The following HHAT variants were observed in gnomAD, a reference collection of about 807,000 sequenced individuals.
HHAT encodes the protein protein-cysteine N-palmitoyltransferase HHAT.
A neutral mutation model predicts 70.8 loss-of-function variants in HHAT; 47 were observed. The observed-to-expected ratio is 0.66, with a 90% CI of 0.53 to 0.85. The LOEUF (loss-of-function observed/expected upper bound fraction) is 0.85. Among genes scored for constraint, HHAT ranks in the 40% least tolerant of loss-of-function variants. HHAT has a pLI of 0.00. For synonymous variants in HHAT, 228 were observed against 247.6 expected (o/e 0.92, Z 0.74); for missense variants, 609 against 604.8 (o/e 1.01, Z -0.07).
chr1:210,384,400 GAA>G (rs1244267203), intron 3 of HHAT, among the ~76,000 whole-genome samples: 1 of 152,168 alleles, frequency 6.6e-6, no homozygotes, highest in African/African-American at 2.4e-5. Flanking sequence ...GTGAGTTTAT[GAA>G]CATTCAGCTG....
intron 9 of HHAT, among the ~76,000 whole-genome samples, chr1:210,569,904 C>G (rs1407266954): frequency 6.6e-6 from 1 of 152,158 alleles, no homozygotes; most frequent in East Asian, 1.9e-4. Context: ...CCCAGGCAAG[C>G]ACAGATGTTT....
chr1:210,472,783 T>C (rs1025492997), intron 8 of HHAT, among the ~76,000 whole-genome samples: 11 of 152,282 alleles, frequency 7.2e-5, no homozygotes, highest in African/African-American at 2.6e-4. Flanking sequence ...TGAATGCACA[T>C]GAGTTATACA....
chr1:210,456,528 G>T lies in HHAT; in HGVS notation c.857-7977G>T, dbSNP rs371703064. Among the ~76,000 whole-genome samples the T allele has an allele frequency of 7.9e-5, 12 of 152,338 alleles. No homozygotes were observed. In the South Asian group the frequency reaches 2.5e-3, roughly 32 times the overall value. On this transcript the variant is annotated intron_variant, in intron 7 of 11. Coordinates refer to ENST00000261458, the MANE Select transcript of HHAT (RefSeq NM_018194.6). ...AACCAATTGTTTAGAGCATATTATT[G>T]CTGTACTATGAGTAGGGGATTTTGT...
At chr1:210,635,205 C>G (rs924943314) in intron 11 of HHAT, among the ~76,000 whole-genome samples, 1 of 152,050 alleles carries the variant, frequency 6.6e-6, no homozygotes, top group Non-Finnish European at 1.5e-5. Context: ...TGGGGCACAG[C>G]CTGTACAAAG....
At position 210,593,685 on chromosome 1, in the gene HHAT, C is replaced by T. The variant is rs185132567; in HGVS notation, c.1245+5586C>T. On this transcript the variant is annotated intron_variant, in intron 10 of 11. Transcript: ENST00000261458. ...AATGTTCTGTAAATGTCGATTAGGT[C>T]CATTTGACCTGTGCTGCTGGTTAAA... 1.1e-4 allele frequency among the ~76,000 whole-genome samples: 17 copies of T among 152,202 alleles called. No homozygotes were observed. In the East Asian group the frequency reaches 2.9e-3, roughly 26 times the overall value.
chr1:210,518,777 G>C (rs1163764662), intron 9 of HHAT, among the ~76,000 whole-genome samples: 1 of 152,204 alleles, frequency 6.6e-6, no homozygotes, highest in Non-Finnish European at 1.5e-5. Flanking sequence ...CTGGGTGACA[G>C]AGCAAGACAC....
chr1:210,367,671 A>G (rs2089132047), intron 3 of HHAT, among the ~76,000 whole-genome samples: 1 of 152,204 alleles, frequency 6.6e-6, no homozygotes, highest in South Asian at 2.1e-4. Context: ...ACCTGACTGT[A>G]GTCCTCCAGT....
At chr1:210,532,575 C>A (rs528140541) in intron 9 of HHAT, among the ~76,000 whole-genome samples, 1 of 152,270 alleles carries the variant, frequency 6.6e-6, no homozygotes, top group East Asian at 1.9e-4. Flanking sequence ...CTAAAGCAGG[C>A]AAATTCCTAT....
chr1:210,375,107 A>T (rs2090078377), intron 3 of HHAT, among the ~76,000 whole-genome samples: 1 of 147,722 alleles, frequency 6.8e-6, no homozygotes, highest in Admixed American at 6.7e-5. Context: ...TTACTTGTGT[A>T]TATGTATATA....
intron 7 of HHAT, among the ~76,000 whole-genome samples, chr1:210,435,891 A>G (rs946277989): frequency 6.6e-6 from 1 of 151,430 alleles, no homozygotes; most frequent in African/African-American, 2.4e-5. Context: ...GTCTGTAAAT[A>G]TTTTCTCCCA....
At chr1:210,481,696 G>A (rs943728298) in intron 8 of HHAT, among the ~76,000 whole-genome samples, 2 of 152,196 alleles carry the variant, frequency 1.3e-5, no homozygotes, top group Admixed American at 1.3e-4. Flanking sequence ...ACTTGTCTGT[G>A]AATGGCCACA....
intron 10 of HHAT, among the ~76,000 whole-genome samples, chr1:210,599,283 AC>A (rs1157120993): frequency 1.3e-5 from 2 of 152,128 alleles, no homozygotes; most frequent in Non-Finnish European, 2.9e-5. Context: ...TCTAGAACAT[AC>A]CCCCACTTCT....
At chr1:210,376,820 A>T (rs1423511493) in intron 3 of HHAT, among the ~76,000 whole-genome samples, 1 of 152,206 alleles carries the variant, frequency 6.6e-6, no homozygotes, top group African/African-American at 2.4e-5. Context: ...CAGTGTGTAA[A>T]GTAGAAAGGT....
chr1:210,419,095 T>G (rs1457577224), intron 7 of HHAT, among the ~76,000 whole-genome samples: 3 of 152,146 alleles, frequency 2.0e-5, no homozygotes, highest in Admixed American at 6.6e-5. Flanking sequence ...CACCAATGAC[T>G]GGTGTGTAAC....
intron 11 of HHAT, among the ~76,000 whole-genome samples, chr1:210,654,023 AGAATAGTGTGACGG>A (rs1433833617): frequency 7.3e-4 from 1 of 1,368 alleles, no homozygotes; most frequent in African/African-American, 9.7e-4. Flanking sequence ...GTGTGACAGC[AGAATAGTGTGACGG>A]GAATAGTGTG....
intron 9 of HHAT, among the ~76,000 whole-genome samples, chr1:210,584,567 GA>G (rs1325082081): frequency 6.6e-6 from 1 of 152,096 alleles, no homozygotes; most frequent in Non-Finnish European, 1.5e-5. Context: ...CAGAACACCG[GA>G]TAAGACTACT....
chr1:210,473,712 C>T (rs541769371), intron 8 of HHAT, among the ~76,000 whole-genome samples: 1 of 152,322 alleles, frequency 6.6e-6, no homozygotes, highest in Non-Finnish European at 1.5e-5. Context: ...TCCTGCATCT[C>T]CTTTCCCACA....
At chr1:210,668,857 T>C (rs1679483419) in intron 11 of HHAT, among the ~76,000 whole-genome samples, 1 of 152,178 alleles carries the variant, frequency 6.6e-6, no homozygotes, top group Non-Finnish European at 1.5e-5. Context: ...CACTGCAACC[T>C]CCTCCTCCCA....
At chr1:210,623,952 A>G (rs368786564) in intron 11 of HHAT, among the ~76,000 whole-genome samples, 5 of 152,252 alleles carry the variant, frequency 3.3e-5, no homozygotes, top group Admixed American at 6.5e-5. Flanking sequence ...CCATTACACT[A>G]TGTTTCCAAT....
Sources: gnomAD v4.1 joint callset for allele counts (sites outside exome capture counted in the v4.1 genomes callset) on GRCh38, gnomAD v4.1.1 for gene constraint, MANE v1.5 for transcripts, NCBI Gene and HGNC (gene_info 2026-07-23, HGNC 2026-07-21) for gene names.